ZMYM6: variants seen among roughly 807,000 people sequenced by gnomAD.
The protein encoded by ZMYM6 is zinc finger MYM-type containing 6.
A neutral mutation model predicts 134.0 loss-of-function variants in ZMYM6; 90 were observed. The observed-to-expected ratio is 0.67, with a 90% confidence interval of 0.57 to 0.80. The LOEUF is 0.80. ZMYM6 is among the 30% of genes least tolerant of loss of function. ZMYM6 has a pLI of 0.00. For missense variants in ZMYM6, 1,362 were observed against 1,533.9 expected, an observed-to-expected ratio of 0.89 and a Z score of 1.87; for synonymous variants, 481 against 524.1, an observed-to-expected ratio of 0.92 and a Z score of 1.12.
Position 34,988,040 on chromosome 1 carries a change from A to C in ZMYM6, c.3042T>G (p.Arg1014=). ...ACAACTTTTCTGCCACTAAACGTTC[A>C]CGGTGAATAAAACAATGTGTAAATG... The part of the protein sequence containing the change: ...TAAFTHCFIH[R]ERLVAEKLSP... Residue 1014 remains arginine, a synonymous_variant, in exon 16 of 16, where the codon CGT becomes CGG. Transcript: ENST00000357182. 6.4e-7 allele frequency: 1 copy of C among 1,551,560 alleles called. No homozygotes were observed. Among genetic ancestry groups the C allele is most frequent in the Non-Finnish European group, 8.7e-7 (1 of 1,146,940 alleles).
At chr1:35,006,497 A>C (rs1640969422) in intron 12 of ZMYM6, among the ~76,000 whole-genome samples, 1 of 152,184 alleles carries the variant, frequency 6.6e-6, no homozygotes, top group Non-Finnish European at 1.5e-5. Flanking sequence ...ATTTTCTGAG[A>C]TAATTAACGT....
Position 35,007,118 on chromosome 1 carries a change from C to A in ZMYM6, c.1666-20G>T. ...GGCCATCTGAAAAAGAAATGTTAGA[C>A]AAGATAGGCTTAAAACTATAAAATA... On this transcript the variant is annotated intron_variant, in intron 11 of 15. Coordinates refer to ENST00000357182, the MANE Select transcript of ZMYM6 (RefSeq NM_007167.4). 1.9e-6 allele frequency: 3 copies of A among 1,575,066 alleles called. No individual in the cohort carries two copies. The highest frequency in any genetic ancestry group is 2.7e-5 in the African/African-American group (2 of 73,028).
At position 35,019,364 on chromosome 1, in the gene ZMYM6, T is replaced by G; in HGVS notation, c.417A>C (p.Thr139=). 1 of 1,614,166 alleles carries G rather than the reference T, an allele frequency of 6.2e-7. No homozygotes were observed. The highest frequency in any genetic ancestry group is 8.5e-7 in the Non-Finnish European group (1 of 1,180,028). Residue 139 remains threonine (T), a synonymous_variant, in exon 4 of 16, where the codon ACA becomes ACC. Transcript: ENST00000357182. ...CLPPPPKKTC[T]NCSKDILNPK... ...TAAGAATTTTATACTTCGAGCAGTT[T>G]GTGCAGGTTTTCTTGGGAGGAGGTG...
In ZMYM6 at chr1:35,019,183, A is replaced by C. The variant is rs1641259026; in HGVS notation, c.428+170T>G. On this transcript the variant is annotated intron_variant, in intron 4 of 15. Coordinates refer to ENST00000357182, the MANE Select transcript of ZMYM6 (RefSeq NM_007167.4). ...TTAGGCAATATTCTAACACCAAGTC[A>C]CTTATTTAATGTTGCAAAACTTTAA... 7.6e-6 allele frequency: 7 copies of C among 916,168 alleles called. No individual in the cohort carries two copies. The African/African-American group carries it at 8.4e-5, about 11-fold the overall frequency. The allele number at this position is 916,168 out of a possible 1,614,324, so 56.8% of individuals were successfully genotyped here. A position where few individuals can be genotyped will look rare whatever the true frequency, so the allele number is the denominator to read the frequency against.
At chr1:35,027,354 G>A (rs890238717) in intron 2 of ZMYM6, among the ~76,000 whole-genome samples, 1 of 152,200 alleles carries the variant, frequency 6.6e-6, no homozygotes, top group Non-Finnish European at 1.5e-5. Context: ...AATATCACTC[G>A]ATCTATACAG....
chr1:34,998,570 C>A (rs1640827560), intron 14 of ZMYM6, among the ~76,000 whole-genome samples: 2 of 152,024 alleles, frequency 1.3e-5, no homozygotes, highest in Admixed American at 1.3e-4. Flanking sequence ...TAGGTCACTG[C>A]AATAATCCAA....
In ZMYM6 at chr1:34,987,719, T is replaced by C; in HGVS notation, c.3363A>G (p.Ser1121=). The change falls in exon 16 of 16, where the codon TCA becomes TCG. Residue 1121 remains serine, a synonymous_variant. Transcript: ENST00000357182. ...GACTTAAATTTAATTCATTTATAAG[T>C]GAAAATATATCTGATAAGTAGGCCA... ...GKLAYLSDIF[S]LINELNLSLQ... 6.4e-7 allele frequency: 1 copy of C among 1,551,106 alleles called. No individual in the cohort carries two copies. The highest frequency in any genetic ancestry group is 8.7e-7 in the Non-Finnish European group (1 of 1,146,820).
intron 4 of ZMYM6, 101 bp downstream of exon 4, chr1:35,019,252 T>A (rs1393201980): frequency 6.6e-7 from 1 of 1,508,930 alleles, no homozygotes; most frequent in Non-Finnish European, 9.0e-7. Flanking sequence ...TTTCTACAGA[T>A]ACATGCTGAA....
At chr1:35,009,806 C>T (rs575151104) in intron 10 of ZMYM6, among the ~76,000 whole-genome samples, 322 of 152,008 alleles carry the variant, frequency 2.1e-3, no homozygotes, top group Non-Finnish European at 3.3e-3. Context: ...CATGGTGGCA[C>T]GCTCCTGTAG....
At chr1:35,016,524 A>C (rs1641191249) in intron 4 of ZMYM6, among the ~76,000 whole-genome samples, 1 of 152,230 alleles carries the variant, frequency 6.6e-6, no homozygotes, top group South Asian at 2.1e-4. Context: ...TCTTCTGACA[A>C]GTATAAAAAC....
At chr1:35,007,173 G>C in intron 11 of ZMYM6, 75 bp from the exon 12 acceptor site, 1 of 1,456,632 alleles carries the variant, frequency 6.9e-7, no homozygotes, top group Non-Finnish European at 9.1e-7. Flanking sequence ...CATAAAAAGA[G>C]GGACTACGAA....
At chr1:35,003,572 A>G (rs973792847) in intron 14 of ZMYM6, among the ~76,000 whole-genome samples, 4 of 152,246 alleles carry the variant, frequency 2.6e-5, no homozygotes, top group Non-Finnish European at 4.4e-5. Context: ...TGTTATTTCC[A>G]ACCAGGTGGA....
chr1:35,030,371 G>T, intron 2 of ZMYM6, 176 bp downstream of exon 2: 1 of 591,408 alleles, frequency 1.7e-6, no homozygotes, highest in Non-Finnish European at 2.9e-6. Flanking sequence ...GGTGGAGGCT[G>T]CAGTGAGCTA....
chr1:35,004,005 C>G lies in ZMYM6; in HGVS notation c.1955G>C (p.Gly652Ala), dbSNP rs1446807643. The change falls in exon 14 of 16, where the codon GGT becomes GCT. Residue 652 changes from glycine to alanine, a missense_variant and splice_region_variant. Physicochemically the swap from Gly to Ala is moderately conservative, Grantham distance 60 (BLOSUM62 0). Around this residue, in one of 3 missense-constraint regions of ZMYM6, gnomAD observed 824 missense variants for 940.9 expected, o/e 0.88. Transcript: ENST00000357182. Reference protein sequence around the residue: ...STGNTNSVLKGAVTKEAAKII... With the variant: ...STGNTNSVLKAAVTKEAAKII... ...CTTTGCTGCCTCTTTAGTAACTGCA[C>G]CTGTTGTAAATTAAAACAAATATTA... 2 of 1,609,474 alleles carry G rather than the reference C, an allele frequency of 1.2e-6. No individual in the cohort carries two copies. Among genetic ancestry groups the G allele is most frequent in the Non-Finnish European group, 1.7e-6 (2 of 1,176,456 alleles).
chr1:35,005,845 G>T (rs147776131), intron 12 of ZMYM6, among the ~76,000 whole-genome samples: 1 of 152,264 alleles, frequency 6.6e-6, no homozygotes, highest in East Asian at 1.9e-4. Context: ...CAGCCTGACT[G>T]GTTCTGGGGA....
chr1:34,993,808 T>C (rs1028634542), intron 14 of ZMYM6, among the ~76,000 whole-genome samples: 2 of 152,032 alleles, frequency 1.3e-5, no homozygotes, highest in Non-Finnish European at 2.9e-5. Context: ...CTCAGCCTCC[T>C]GAGTAGCTGG....
At chr1:35,015,743 A>AAAAAAAAAAAAAAAAAT in intron 4 of ZMYM6, among the ~76,000 whole-genome samples, 2 of 106,468 alleles carry the variant, frequency 1.9e-5, no homozygotes, top group African/African-American at 1.3e-4. Flanking sequence ...AAAAAAAAAA[A>AAAAAAAAAAAAAAAAAT]ATATATATAT....
Position 35,020,265 on chromosome 1 carries a change from T to C in ZMYM6, c.178+118A>G. ...TGCTGAAAACCAGCTACTCACAGTT[T>C]GAAAAAACACAGCTCTAAAGAAAGA... On this transcript the variant is annotated intron_variant, in intron 3 of 15. Transcript: ENST00000357182. 8 of 883,800 alleles carry C rather than the reference T, an allele frequency of 9.1e-6. No homozygotes were observed. The South Asian group carries it at 1.2e-4, about 13-fold the overall frequency. The allele number at this position is 883,800 out of a possible 1,614,324, so 54.7% of individuals were successfully genotyped here. A position where few individuals can be genotyped will look rare whatever the true frequency, so the allele number is the denominator to read the frequency against.
chr1:34,994,036 G>C (rs892010366), intron 14 of ZMYM6, among the ~76,000 whole-genome samples: 36 of 152,082 alleles, frequency 2.4e-4, no homozygotes, highest in African/African-American at 7.5e-4. Context: ...GTAAACAAAG[G>C]TCTTTATAAA....
Sources: allele counts gnomAD v4.1 joint callset (sites outside exome capture counted in the v4.1 genomes callset), GRCh38; gene constraint gnomAD v4.1.1; regional missense constraint gnomAD v4.1.1; transcripts MANE v1.5; gene names NCBI Gene and HGNC (gene_info 2026-07-23, HGNC 2026-07-21).